The following SNX27 variants were observed in gnomAD, a reference collection of about 807,000 sequenced individuals.
The protein encoded by SNX27 is sorting nexin-27.
SNX27 carries 22 observed loss-of-function variants against 71.6 expected under a neutral mutation model. The observed-to-expected ratio is 0.31, with a 90% CI of 0.22 to 0.44. The LOEUF (loss-of-function observed/expected upper bound fraction) is 0.44, where lower values mean the gene tolerates loss of function less well. Ranked by LOEUF, SNX27 falls within the 20% of genes least tolerant of loss-of-function variation. The pLI, the probability that SNX27 is intolerant of heterozygous loss-of-function variation, is 1.00. For missense variants in SNX27, 531 were observed against 698.6 expected (o/e 0.76, Z 2.70); for synonymous variants, 269 against 277.2 (o/e 0.97, Z 0.29).
At chr1:151,670,030 C>G (rs982458554) in intron 7 of SNX27, among the ~76,000 whole-genome samples, 1 of 152,208 alleles carries the variant, frequency 6.6e-6, no homozygotes, top group Admixed American at 6.5e-5. Context: ...CCATCCCTGA[C>G]TCTTCCCCAA....
chr1:151,691,596 G>T (rs1276041046), intron 8 of SNX27, among the ~76,000 whole-genome samples: 1 of 150,352 alleles, frequency 6.7e-6, no homozygotes, highest in Non-Finnish European at 1.5e-5. Context: ...TCAGCCTTCC[G>T]AGTAGCTGGA....
intron 2 of SNX27, among the ~76,000 whole-genome samples, chr1:151,651,497 C>T (rs545699185): frequency 4.3e-4 from 64 of 149,652 alleles, no homozygotes; most frequent in Non-Finnish European, 7.0e-4. Flanking sequence ...AGGCGGTTGC[C>T]GGGCAGAGGG....
chr1:151,637,699 G>A (rs570102892), intron 1 of SNX27, among the ~76,000 whole-genome samples: 1 of 152,100 alleles, frequency 6.6e-6, no homozygotes, highest in African/African-American at 2.4e-5. Context: ...TAGCTGGGGG[G>A]TCTCCTGACT....
rs574274843 is a variant in SNX27, at chr1:151,621,901, A to T, written c.311+9389A>T. Among the ~76,000 whole-genome samples, 9 of 152,288 alleles carry T rather than the reference A, an allele frequency of 5.9e-5. No individual in the cohort carries two copies. The South Asian group carries it at 1.0e-3, about 18-fold the overall frequency. On this transcript the variant is annotated intron_variant, in intron 1 of 11. Coordinates refer to ENST00000458013, the MANE Select transcript of SNX27 (RefSeq NM_001330723.2). ...TGTTCCTGCCTCTGTCTTTACTTGG[A>T]AACAGCAATGAGTTTTGTTCTCTCT...
intron 1 of SNX27, among the ~76,000 whole-genome samples, chr1:151,617,133 CTTTA>C (rs1231479261): frequency 2.0e-5 from 3 of 152,132 alleles, no homozygotes; most frequent in Non-Finnish European, 2.9e-5. Flanking sequence ...ATCGTCTATA[CTTTA>C]TTTATTGGAT....
At chr1:151,645,216 T>C (rs972115054) in intron 2 of SNX27, among the ~76,000 whole-genome samples, 4 of 152,248 alleles carry the variant, frequency 2.6e-5, no homozygotes, top group Non-Finnish European at 5.9e-5. Flanking sequence ...GGAAAATCAA[T>C]TGACTATGTG....
At chr1:151,616,051 A>G (rs553606447) in intron 1 of SNX27, among the ~76,000 whole-genome samples, 19 of 152,224 alleles carry the variant, frequency 1.2e-4, no homozygotes, top group Non-Finnish European at 2.6e-4. Flanking sequence ...TTTACTGCAG[A>G]TGGAAAGTTT....
At chr1:151,693,073 A>C in intron 10 of SNX27, 34 bp downstream of exon 10, 1 of 1,595,640 alleles carries the variant, frequency 6.3e-7, no homozygotes. Context: ...ACTGGGACTT[A>C]GTTTGTTTTT....
At position 151,638,979 on chromosome 1, in the gene SNX27, G is replaced by C; in HGVS notation, c.403G>C (p.Val135Leu). ...EKELILTVLSVPPHEADNLDP... is the reference protein window; with the variant it reads ...EKELILTVLSLPPHEADNLDP... ...GGAATTGATCTTGACAGTGTTATCTGTACCTCCTCATGAGGCAGATAACCT... is the reference window on the plus strand; with the variant it reads ...GGAATTGATCTTGACAGTGTTATCTCTACCTCCTCATGAGGCAGATAACCT... Residue 135 changes from valine (V) to leucine (L), a missense_variant, in exon 2 of 12, where the codon GTA becomes CTA. Around this residue, in one of 5 missense-constraint regions of SNX27, gnomAD observed 47 missense variants for 41.4 expected, o/e 1.13. Transcript: ENST00000458013. 3 of 1,614,132 alleles carry C rather than the reference G, an allele frequency of 1.9e-6. No homozygotes were observed. The highest frequency in any genetic ancestry group is 2.2e-5 in the South Asian group (2 of 91,078).
chr1:151,677,530 T>C (rs1395994383), intron 7 of SNX27: 1 of 152,180 alleles, frequency 6.6e-6, no homozygotes, highest in Non-Finnish European at 1.5e-5. Flanking sequence ...GGAACAGTGG[T>C]GTGTCTCATA....
intron 2 of SNX27, among the ~76,000 whole-genome samples, chr1:151,651,702 C>G (rs1284506867): frequency 1.3e-5 from 2 of 151,580 alleles, no homozygotes; most frequent in African/African-American, 4.9e-5. Context: ...GGCGGAGATG[C>G]TCCTCACTTT....
chr1:151,696,450 G>A lies in SNX27; in HGVS notation c.*2033G>A, dbSNP rs1049827972. ...TTGTAATTTGTTTTTGCAAATCATT[G>A]TGAGGCCACTTTTTCTTTCTTTCTT... On this transcript the variant is annotated 3_prime_UTR_variant, in exon 12 of 12. Coordinates refer to ENST00000458013, the MANE Select transcript of SNX27 (RefSeq NM_001330723.2). The A allele has an allele frequency of 7.3e-6, 1 of 137,832 alleles. No individual in the cohort carries two copies. Among genetic ancestry groups the A allele is most frequent in the Non-Finnish European group, 1.6e-5 (1 of 62,682 alleles). The allele number at this position is 137,832 out of a possible 1,614,324, so 8.5% of individuals were successfully genotyped here.
At chr1:151,639,840 A>T (rs1244656584) in intron 2 of SNX27, among the ~76,000 whole-genome samples, 1 of 152,202 alleles carries the variant, frequency 6.6e-6, no homozygotes, top group Non-Finnish European at 1.5e-5. Context: ...TGGTTGCAAT[A>T]TGCTTTATTT....
rs145085510 is a variant in SNX27 at position 151,689,154 on chromosome 1, A to G, written c.1240-3281A>G. On this transcript the variant is annotated intron_variant, in intron 8 of 11. Coordinates refer to ENST00000458013, the MANE Select transcript of SNX27 (RefSeq NM_001330723.2). ...TATTATGTGCCTGACTGGTCTAGGC[A>G]CTTTATATGAAGTCTCATTTTCTCC... Among the ~76,000 whole-genome samples, 5 of 152,336 alleles carry G rather than the reference A, an allele frequency of 3.3e-5. No individual in the cohort carries two copies. In the East Asian group the frequency reaches 9.6e-4, roughly 29 times the overall value.
At chr1:151,623,955 A>T (rs1046862698) in intron 1 of SNX27, among the ~76,000 whole-genome samples, 5 of 152,126 alleles carry the variant, frequency 3.3e-5, no homozygotes, top group Non-Finnish European at 4.4e-5. Context: ...ACATTTTTTA[A>T]AAATTTATTT....
chr1:151,677,570 A>AT (rs1156648395), intron 7 of SNX27: 1 of 152,084 alleles, frequency 6.6e-6, no homozygotes, highest in African/African-American at 2.4e-5. Context: ...TTTTAAATGT[A>AT]TTTTTTATTT....
rs1491285977 is a variant in SNX27 at position 151,696,530 on chromosome 1, T to TTCTTTCGTTCTTTCGTTCTTTCG, written c.*2114_*2115insCTTTCGTTCTTTCGTTCTTTCGT. 1 of 98,508 alleles carries TTCTTTCGTTCTTTCGTTCTTTCG rather than the reference T, an allele frequency of 1.0e-5. No individual in the cohort carries two copies. Among genetic ancestry groups the TTCTTTCGTTCTTTCGTTCTTTCG allele is most frequent in the Non-Finnish European group, 2.1e-5 (1 of 46,512 alleles). The allele number at this position is 98,508 out of a possible 1,614,324, so 6.1% of individuals were successfully genotyped here. A position where few individuals can be genotyped will look rare whatever the true frequency, so the allele number is the denominator to read the frequency against. ...CGTTCTTTCGTTCTTTCGTTCTTTCTTTCTTTCTTTCTTTCTCTTTCTTTC... is the reference window on the plus strand; with the variant it reads ...CGTTCTTTCGTTCTTTCGTTCTTTCTTCTTTCGTTCTTTCGTTCTTTCGTTCTTTCTTTCTTTCTCTTTCTTTC... On this transcript the variant is annotated 3_prime_UTR_variant, in exon 12 of 12. Transcript: ENST00000458013.
chr1:151,613,099 T>A (rs1190858125), intron 1 of SNX27: 1 of 152,294 alleles, frequency 6.6e-6, no homozygotes, highest in Non-Finnish European at 1.5e-5. Context: ...TTAGTTACCC[T>A]CTCCTCATGG....
At chr1:151,665,841 C>T (rs1408417490) in intron 5 of SNX27, 92 bp from the exon 6 acceptor site, 1 of 991,350 alleles carries the variant, frequency 1.0e-6, no homozygotes, top group Non-Finnish European at 1.5e-6. Flanking sequence ...GAACCTCTCC[C>T]CTTTCCCTCC....
Sources: allele counts gnomAD v4.1 joint callset (sites outside exome capture counted in the v4.1 genomes callset), GRCh38; gene constraint gnomAD v4.1.1; regional missense constraint gnomAD v4.1.1; transcripts MANE v1.5; gene names NCBI Gene and HGNC (gene_info 2026-07-23, HGNC 2026-07-21).